NTMT1: variants seen among roughly 807,000 people sequenced by gnomAD.
NTMT1 encodes N-terminal RCC1 methyltransferase.
In NTMT1, 8 loss-of-function variants were observed where a neutral mutation model predicts 17.5. The ratio of observed to expected loss-of-function variants is 0.46; its 90% CI spans 0.27 to 0.82. The LOEUF (loss-of-function observed/expected upper bound fraction) is 0.82, where lower values mean the gene tolerates loss of function less well. NTMT1 is among the 40% of genes least tolerant of loss of function. The pLI, the probability that NTMT1 is intolerant of heterozygous loss-of-function variation, is 0.15. For missense variants in NTMT1, 221 were observed against 303.5 expected (o/e 0.73, Z 2.02); for synonymous variants, 128 against 126.8 (o/e 1.01, Z -0.06).
intron 1 of NTMT1, among the ~76,000 whole-genome samples, chr9:129,627,745 G>A (rs919417695): frequency 2.6e-5 from 4 of 152,150 alleles, no homozygotes; most frequent in African/African-American, 9.7e-5. Flanking sequence ...GCACTCTGCC[G>A]TTTGCATGTG....
At chr9:129,627,605 A>G (rs1830961134) in intron 1 of NTMT1, among the ~76,000 whole-genome samples, 1 of 152,238 alleles carries the variant, frequency 6.6e-6, no homozygotes, top group African/African-American at 2.4e-5. Flanking sequence ...GTCTGTGCTT[A>G]CACAGCAGGT....
intron 1 of NTMT1, among the ~76,000 whole-genome samples, chr9:129,628,904 G>A (rs1471563986): frequency 3.3e-5 from 5 of 152,224 alleles, no homozygotes; most frequent in East Asian, 3.9e-4. Context: ...CAAGTTGGGC[G>A]GTGAGAGGGA....
rs1035890505 is a variant in NTMT1 at position 129,626,182 on chromosome 9, C to G, written c.-168C>G. ...AAAGGCAGCGCGCGCCGCGAGCTGT[C>G]GCGTCTGGTCGTGGTCTGGCGGAGC... On this transcript the variant is annotated 5_prime_UTR_variant, in exon 1 of 4. Coordinates refer to ENST00000372483, the MANE Select transcript of NTMT1 (RefSeq NM_014064.4). The G allele has an allele frequency of 6.6e-6, 1 of 152,196 alleles. No individual in the cohort carries two copies. The highest frequency in any genetic ancestry group is 1.9e-4 in the East Asian group (1 of 5,174). The allele number at this position is 152,196 out of a possible 1,614,324, so 9.4% of individuals were successfully genotyped here. A position where few individuals can be genotyped will look rare whatever the true frequency, so the allele number is the denominator to read the frequency against.
At chr9:129,616,544 C>T (rs543688641) in intron 1 of NTMT1, among the ~76,000 whole-genome samples, 83 of 152,218 alleles carry the variant, frequency 5.5e-4, no homozygotes, top group African/African-American at 2.0e-3. Context: ...TTGTAACTGT[C>T]TATCTCAATC....
At chr9:129,615,133 G>A (rs1830291204) in intron 1 of NTMT1, among the ~76,000 whole-genome samples, 1 of 152,206 alleles carries the variant, frequency 6.6e-6, no homozygotes, top group Non-Finnish European at 1.5e-5. Context: ...ACCTCCTCCA[G>A]CCCCTGTAGG....
chr9:129,614,235 G>A lies in NTMT1; in HGVS notation c.-55+5057G>A, dbSNP rs1335261442. Among the ~76,000 whole-genome samples the A allele has an allele frequency of 2.6e-5, 4 of 152,134 alleles. No individual in the cohort carries two copies. The highest frequency in any genetic ancestry group is 5.9e-5 in the Non-Finnish European group (4 of 68,036). The stretch of plus-strand genomic sequence containing the variant: ...CTCTGGCTTCTATATGTGGCTCTGC[G>A]TCACCCACACAAGCCCATCCTGCTT... On this transcript the variant is annotated intron_variant, in intron 1 of 3. Transcript: ENST00000372486. The surrounding 1 kb of genome is among the most constrained non-coding windows in gnomAD (Gnocchi z 4.4).
intron 1 of NTMT1, among the ~76,000 whole-genome samples, chr9:129,631,915 G>C (rs1564347658): frequency 6.6e-6 from 1 of 152,168 alleles, no homozygotes; most frequent in Non-Finnish European, 1.5e-5. Flanking sequence ...TTTTCTGCCT[G>C]GCTGGCTGCC....
In NTMT1 at chr9:129,630,406, T is replaced by C. The variant is rs562006140; in HGVS notation, c.-54-2244T>C. The stretch of plus-strand genomic sequence containing the variant: ...GAGGATCACCTGAGCTGTACTCAAG[T>C]CTGGCGACAGTGAGACCCTTTCTAA... On this transcript the variant is annotated intron_variant, in intron 1 of 3. Transcript: ENST00000372483. Among the ~76,000 whole-genome samples, 11 of 152,266 alleles carry C rather than the reference T, an allele frequency of 7.2e-5. No homozygotes were observed. The East Asian group carries it at 2.1e-3, about 29-fold the overall frequency.
chr9:129,634,433 C>G lies in NTMT1; in HGVS notation c.415+127C>G. ...GGCCAGTGAGGATTCCCCACCCCGC[C>G]CAGGCCCACCCCCACCCCGTACTTC... On this transcript the variant is annotated intron_variant, in intron 3 of 3. Transcript: ENST00000372483. 9 of 1,036,330 alleles carry G rather than the reference C, an allele frequency of 8.7e-6. No individual in the cohort carries two copies. In the South Asian group the frequency reaches 1.6e-4, roughly 18 times the overall value. The allele number at this position is 1,036,330 out of a possible 1,614,324, so 64.2% of individuals were successfully genotyped here. A position where few individuals can be genotyped will look rare whatever the true frequency, so the allele number is the denominator to read the frequency against.
intron 1 of NTMT1, among the ~76,000 whole-genome samples, chr9:129,618,839 C>G (rs1830517043): frequency 1.3e-5 from 2 of 151,386 alleles, no homozygotes; most frequent in African/African-American, 4.9e-5. Flanking sequence ...ACTACAGGCG[C>G]CCGCCACCAC....
chr9:129,626,270 C>G lies in NTMT1; in HGVS notation c.-80C>G, dbSNP rs558203845. ...CCCTTCCTCTTCCCCATCTTCTTCTCTCGGTCCCGGGAGCCCCCGCCCGGA... is the reference window on the plus strand; with the variant it reads ...CCCTTCCTCTTCCCCATCTTCTTCTGTCGGTCCCGGGAGCCCCCGCCCGGA... On this transcript the variant is annotated 5_prime_UTR_variant, in exon 1 of 4. Transcript: ENST00000372483. The G allele has an allele frequency of 6.6e-6, 1 of 152,386 alleles. No homozygotes were observed. Among genetic ancestry groups the G allele is most frequent in the African/African-American group, 2.4e-5 (1 of 41,580 alleles). 9.4% of individuals were successfully genotyped at this position (152,386 alleles called of 1,614,324 possible).
At chr9:129,625,319 CTTTT>C (rs948880240), upstream of NTMT1, among the ~76,000 whole-genome samples, 2 of 152,204 alleles carry the variant, frequency 1.3e-5, no homozygotes, top group Non-Finnish European at 2.9e-5. Context: ...GAGAGTATTT[CTTTT>C]TATTTTATTT....
chr9:129,621,464 C>A (rs138612709), upstream of NTMT1, among the ~76,000 whole-genome samples: 1 of 152,326 alleles, frequency 6.6e-6, no homozygotes, highest in East Asian at 1.9e-4. Context: ...TCAAGTGATC[C>A]TCCTGCCTCA....
At chr9:129,625,743 G>A (rs1830863335), upstream of NTMT1, among the ~76,000 whole-genome samples, 1 of 151,992 alleles carries the variant, frequency 6.6e-6, no homozygotes, top group Non-Finnish European at 1.5e-5. Context: ...CAGGTGCGGT[G>A]GCTCACGCCT....
Position 129,620,576 on chromosome 9 carries a change from C to G in NTMT1, c.-55+11398C>G. 7.4e-7 allele frequency: 1 copy of G among 1,358,760 alleles called. No homozygotes were observed. Among genetic ancestry groups the G allele is most frequent in the Non-Finnish European group, 9.5e-7 (1 of 1,053,976 alleles). The allele number at this position is 1,358,760 out of a possible 1,614,324, so 84.2% of individuals were successfully genotyped here. ...TGGGCGAAGTCGACGCCAGAACATG[C>G]TTGGCCCCGCACTCAGCTCACCGCA... On this transcript the variant is annotated intron_variant, in intron 1 of 3. Coordinates refer to the NTMT1 transcript ENST00000372486. The surrounding 1 kb of genome is among the most constrained non-coding windows in gnomAD (Gnocchi z 5.8).
intron 1 of NTMT1, among the ~76,000 whole-genome samples, chr9:129,611,463 G>A (rs1830114050): frequency 6.6e-6 from 1 of 152,192 alleles, no homozygotes; most frequent in Non-Finnish European, 1.5e-5. Flanking sequence ...GAGAAACCGT[G>A]GGCCCCAGCC....
chr9:129,633,054 C>A, intron 2 of NTMT1, 189 bp downstream of exon 2: 2 of 580,024 alleles, frequency 3.4e-6, no homozygotes, highest in Non-Finnish European at 3.0e-6. Context: ...GTGGACTTAG[C>A]CTCAGGGTTA....
chr9:129,622,130 A>G (rs1233545270), upstream of NTMT1, among the ~76,000 whole-genome samples: 2 of 152,214 alleles, frequency 1.3e-5, no homozygotes, highest in Non-Finnish European at 2.9e-5. Flanking sequence ...TGGGAGGCTT[A>G]GGCTGGGTGG....
chr9:129,633,947 C>T (rs1831349097), intron 2 of NTMT1, 107 bp from the exon 3 acceptor site: 11 of 1,300,088 alleles, frequency 8.5e-6, no homozygotes, highest in East Asian at 7.5e-5. Context: ...TCAGCTTGTG[C>T]GGAGTCCTGG....
Sources: gnomAD v4.1 joint callset for allele counts (sites outside exome capture counted in the v4.1 genomes callset) on GRCh38, gnomAD v4.1.1 for gene constraint, Gnocchi (gnomAD v3.1) non-coding constraint, MANE v1.5 for transcripts, NCBI Gene and HGNC (gene_info 2026-07-23, HGNC 2026-07-21) for gene names.